SGCD: variants seen among roughly 807,000 people sequenced by gnomAD.
SGCD encodes the protein sarcoglycan delta, also known as delta-sarcoglycan.
Under a neutral mutation model 36.6 loss-of-function variants are expected in SGCD, and 18 were observed. The ratio of observed to expected loss-of-function variants is 0.49; its 90% CI spans 0.34 to 0.73. SGCD has a LOEUF of 0.73. Among genes scored for constraint, SGCD ranks in the 30% least tolerant of loss-of-function variants. The pLI, the probability that SGCD is intolerant of heterozygous loss-of-function variation, is 0.01. For synonymous variants in SGCD, 133 were observed against 130.6 expected (o/e 1.02, Z -0.12); for missense variants, 387 against 346.7 (o/e 1.12, Z -0.92).
intron 7 of SGCD, among the ~76,000 whole-genome samples, chr5:156,703,277 C>T (rs1177312415): frequency 2.0e-5 from 3 of 151,738 alleles, no homozygotes; most frequent in African/African-American, 7.3e-5. Flanking sequence ...TTTTAAATAC[C>T]GTTAAAACAA....
chr5:156,637,210 A>G (rs1222580712), intron 6 of SGCD, among the ~76,000 whole-genome samples: 1 of 152,096 alleles, frequency 6.6e-6, no homozygotes, highest in Non-Finnish European at 1.5e-5. Context: ...GAAGAAGGAC[A>G]TATTTGCATC....
chr5:155,875,789 A>G (rs576934664), intron 1 of SGCD, among the ~76,000 whole-genome samples: 3 of 152,008 alleles, frequency 2.0e-5, no homozygotes, highest in Non-Finnish European at 2.9e-5. Flanking sequence ...ATCTCCTGAT[A>G]CCCACTGCTG....
chr5:156,343,507 G>C (rs1768776601), intron 2 of SGCD, among the ~76,000 whole-genome samples: 1 of 152,116 alleles, frequency 6.6e-6, no homozygotes, highest in Admixed American at 6.5e-5. Flanking sequence ...TGAGTGATAG[G>C]CATTTTCTAG....
rs70981997 is a variant in SGCD at position 156,133,914 on chromosome 5, AACACACACACACACAC to A, written c.-44+9927_-44+9942del. Among the ~76,000 whole-genome samples, 908 of 140,408 alleles carry A rather than the reference AACACACACACACACAC, an allele frequency of 6.5e-3. 5 individuals are homozygous for A. The highest frequency in any genetic ancestry group is 9.9e-3 in the Non-Finnish European group (643 of 65,186). The allele number at this position is 140,408 out of a possible 152,430, so 92.1% of individuals were successfully genotyped here. ...ATTTAGGTCTTATTTGCCGGGTTAA[AACACACACACACACAC>A]ACACACACACACACACACACACACA... On this transcript the variant is annotated intron_variant, in intron 3 of 9. Transcript: ENST00000517913.
At chr5:156,738,183 A>T (rs1352257852) in intron 7 of SGCD, among the ~76,000 whole-genome samples, 1 of 152,202 alleles carries the variant, frequency 6.6e-6, no homozygotes, top group Non-Finnish European at 1.5e-5. Context: ...AGAAGATGGA[A>T]ATGTACATCT....
At chr5:156,111,864 C>T (rs923952076) in intron 1 of SGCD, among the ~76,000 whole-genome samples, 2 of 151,856 alleles carry the variant, frequency 1.3e-5, no homozygotes, top group African/African-American at 2.4e-5. Context: ...CTGCAACCTC[C>T]GCCTCCTAGG....
At chr5:156,098,373 G>A (rs1761431107) in intron 1 of SGCD, among the ~76,000 whole-genome samples, 1 of 152,096 alleles carries the variant, frequency 6.6e-6, no homozygotes, top group Non-Finnish European at 1.5e-5. Context: ...AATTTTCTGA[G>A]AAATTTCTCA....
At chr5:155,897,492 TTTAA>T (rs1756291963) in intron 1 of SGCD, among the ~76,000 whole-genome samples, 1 of 152,192 alleles carries the variant, frequency 6.6e-6, no homozygotes, top group Non-Finnish European at 1.5e-5. Flanking sequence ...ATTTATTTTC[TTTAA>T]TAATAAATTA....
intron 3 of SGCD, among the ~76,000 whole-genome samples, chr5:156,354,707 T>C (rs565045419): frequency 1.3e-5 from 2 of 152,350 alleles, no homozygotes; most frequent in East Asian, 3.9e-4. Flanking sequence ...GAGCTCTGAA[T>C]AACTCTCAGA....
intron 3 of SGCD, among the ~76,000 whole-genome samples, chr5:156,434,639 G>T (rs1753167541): frequency 1.3e-5 from 2 of 152,164 alleles, no homozygotes; most frequent in Non-Finnish European, 2.9e-5. Flanking sequence ...GTGGGGATTG[G>T]CCTGTCACTG....
At chr5:156,362,516 C>T (rs1041152717) in intron 3 of SGCD, among the ~76,000 whole-genome samples, 5 of 152,036 alleles carry the variant, frequency 3.3e-5, no homozygotes, top group Admixed American at 2.0e-4. Flanking sequence ...AGTAGTGGTG[C>T]GCATCTGTAG....
intron 7 of SGCD, among the ~76,000 whole-genome samples, chr5:156,652,794 T>C (rs946946450): frequency 6.6e-6 from 1 of 152,096 alleles, no homozygotes; most frequent in Admixed American, 6.6e-5. Context: ...TTTGAGGGTT[T>C]TTCTCATACA....
chr5:156,466,852 T>C (rs557472535), intron 3 of SGCD, among the ~76,000 whole-genome samples: 1 of 152,242 alleles, frequency 6.6e-6, no homozygotes, highest in African/African-American at 2.4e-5. Context: ...TATACCAATG[T>C]AGTCATAAAA....
chr5:155,810,283 G>A, the SGCD span, among the ~76,000 whole-genome samples: 42,046 of 152,036 alleles, frequency 0.28, 7,403 homozygotes, highest in East Asian at 0.44. Context: ...TGACTGAAAA[G>A]ATTTCTTGTC....
the SGCD span, among the ~76,000 whole-genome samples, chr5:155,800,677 C>T: frequency 2.0e-5 from 3 of 151,938 alleles, no homozygotes; most frequent in Non-Finnish European, 2.9e-5. Flanking sequence ...AACTCCCAAG[C>T]CCTTTCAATT....
chr5:155,791,331 A>G, the SGCD span, among the ~76,000 whole-genome samples: 1 of 152,076 alleles, frequency 6.6e-6, no homozygotes, highest in Non-Finnish European at 1.5e-5. Context: ...AGCTAGAACC[A>G]TTCCTCTCGA....
At chr5:155,777,512 A>G in the SGCD span, among the ~76,000 whole-genome samples, 1 of 151,922 alleles carries the variant, frequency 6.6e-6, no homozygotes, top group Non-Finnish European at 1.5e-5. Flanking sequence ...ACATGCCACC[A>G]CACCCTGGTA....
At chr5:155,869,644 A>G (rs913506837), upstream of SGCD, among the ~76,000 whole-genome samples, 9 of 148,706 alleles carry the variant, frequency 6.1e-5, no homozygotes, top group Non-Finnish European at 1.3e-4. Context: ...CCTTTGGCAG[A>G]TTTTTTTTTT....
At chr5:156,394,769 G>T (rs991667265) in intron 3 of SGCD, among the ~76,000 whole-genome samples, 1 of 152,064 alleles carries the variant, frequency 6.6e-6, no homozygotes, top group Non-Finnish European at 1.5e-5. Context: ...CCTTGGCTTT[G>T]TGCCTGCTGT....
Sources: allele counts gnomAD v4.1 joint callset (sites outside exome capture counted in the v4.1 genomes callset), GRCh38; gene constraint gnomAD v4.1.1; transcripts MANE v1.5; gene names NCBI Gene and HGNC (gene_info 2026-07-23, HGNC 2026-07-21).